The following FRMD4B variants were observed in gnomAD, a reference collection of about 807,000 sequenced individuals.
The protein encoded by FRMD4B is FERM domain containing 4B.
FRMD4B carries 74 observed loss-of-function variants against 141.5 expected under a neutral mutation model. That is an observed-to-expected ratio of 0.52 (90% CI 0.43 to 0.63). FRMD4B has a LOEUF of 0.63. Ranked by LOEUF, FRMD4B falls within the 30% of genes least tolerant of loss-of-function variation. The probability of loss-of-function intolerance (pLI) is 0.00; values close to 1 mark genes in which losing one functional copy is unlikely to be tolerated. For synonymous variants in FRMD4B, 506 were observed against 467.9 expected (o/e 1.08, Z -1.05); for missense variants, 1,366 against 1,253.4 (o/e 1.09, Z -1.36).
At chr3:69,323,221 G>C (rs1453851986) in intron 1 of FRMD4B, among the ~76,000 whole-genome samples, 1 of 152,058 alleles carries the variant, frequency 6.6e-6, no homozygotes, top group Non-Finnish European at 1.5e-5. Context: ...AAAGATAACA[G>C]CTGCTGACTG....
chr3:69,539,270 CAG>C (rs368551704), intron 1 of FRMD4B, among the ~76,000 whole-genome samples: 21 of 152,292 alleles, frequency 1.4e-4, no homozygotes, highest in African/African-American at 4.8e-4. Flanking sequence ...TCAAAGCATG[CAG>C]AGTCTTGATT....
chr3:69,522,663 C>A (rs990087992), intron 1 of FRMD4B, among the ~76,000 whole-genome samples: 2 of 152,144 alleles, frequency 1.3e-5, no homozygotes, highest in African/African-American at 4.8e-5. Context: ...CAAGCTAAAG[C>A]ACCACTGGAG....
intron 1 of FRMD4B, among the ~76,000 whole-genome samples, chr3:69,318,803 T>A (rs182036760): frequency 6.6e-6 from 1 of 152,362 alleles, no homozygotes. Flanking sequence ...ATTGACAGCT[T>A]CTTTTGACAA....
At chr3:69,177,944 G>A (rs1014249193) in intron 21 of FRMD4B, among the ~76,000 whole-genome samples, 3 of 152,184 alleles carry the variant, frequency 2.0e-5, no homozygotes, top group Admixed American at 6.5e-5. Context: ...GGGAAGAGGC[G>A]AGGTGGTAAG....
intron 1 of FRMD4B, among the ~76,000 whole-genome samples, chr3:69,472,910 T>C (rs1006088719): frequency 6.7e-6 from 1 of 149,284 alleles, no homozygotes; most frequent in South Asian, 2.1e-4. Context: ...TATCCAAGGC[T>C]TCAAGTGAGT....
rs534205936 is a variant in FRMD4B, at chr3:69,309,532, T to C, written c.323+1731A>G. Among the ~76,000 whole-genome samples, 55 of 151,036 alleles carry C rather than the reference T, an allele frequency of 3.6e-4. 1 individual carries two copies. The highest frequency in any genetic ancestry group is 6.9e-3 in the Middle Eastern group (2 of 288). On this transcript the variant is annotated intron_variant, in intron 3 of 22. Coordinates refer to ENST00000398540, the MANE Select transcript of FRMD4B (RefSeq NM_015123.3). ...ATCATAGCTCACGGCAGCCTCAACCTCCTGGGCTCAAGTTGTCCTCCCACC... is the reference window on the plus strand; with the variant it reads ...ATCATAGCTCACGGCAGCCTCAACCCCCTGGGCTCAAGTTGTCCTCCCACC...
intron 3 of FRMD4B, among the ~76,000 whole-genome samples, chr3:69,303,213 G>A (rs1701277114): frequency 1.4e-5 from 1 of 71,858 alleles, no homozygotes; most frequent in South Asian, 4.5e-4. Context: ...AGTTATTCGG[G>A]AAACTGACGC....
chr3:69,276,106 G>C (rs982832971), intron 5 of FRMD4B, among the ~76,000 whole-genome samples: 7 of 152,120 alleles, frequency 4.6e-5, no homozygotes, highest in African/African-American at 1.4e-4. Flanking sequence ...TGAATGATTT[G>C]TAATTTATAT....
intron 1 of FRMD4B, among the ~76,000 whole-genome samples, chr3:69,448,407 G>A (rs887519885): frequency 6.6e-6 from 1 of 152,302 alleles, no homozygotes; most frequent in African/African-American, 2.4e-5. Flanking sequence ...GAGATTCTAT[G>A]ATCAGGGAAT....
chr3:69,225,714 AAAAAAAAAAAAAAAGAG>A lies in FRMD4B; in HGVS notation c.582-1041_582-1025del, dbSNP rs1161524790. Among the ~76,000 whole-genome samples the A allele has an allele frequency of 8.4e-3, 654 of 78,108 alleles. 25 individuals are homozygous for A. Among genetic ancestry groups the A allele is most frequent in the African/African-American group, 0.024 (624 of 25,782 alleles). 51.2% of individuals were successfully genotyped at this position (78,108 alleles called of 152,430 possible). On this transcript the variant is annotated intron_variant, in intron 7 of 22. Coordinates refer to ENST00000398540, the MANE Select transcript of FRMD4B (RefSeq NM_015123.3). ...CGTCTCAAAAAAAAAAAAAAAAAAA[AAAAAAAAAAAAAAAGAG>A]GGAGAACACGTAATACTACCCAGTC...
At chr3:69,197,157 A>T in intron 12 of FRMD4B, 119 bp from the exon 13 acceptor site, 1 of 681,640 alleles carries the variant, frequency 1.5e-6, no homozygotes, top group South Asian at 2.6e-5. Context: ...TGTTGCAAAA[A>T]CTCTTACGCA....
chr3:69,303,035 T>C (rs528163676), intron 3 of FRMD4B, among the ~76,000 whole-genome samples: 9 of 152,102 alleles, frequency 5.9e-5, no homozygotes, highest in Admixed American at 1.3e-4. Flanking sequence ...GATTGCACCA[T>C]TGCACTCCAG....
At position 69,424,980 on chromosome 3, in the gene FRMD4B, C is replaced by T. The variant is rs7615997; in HGVS notation, c.-1+7654G>A. On this transcript the variant is annotated intron_variant, in intron 2 of 5. Coordinates refer to the FRMD4B transcript ENST00000459638. ...TAACAGCCTTTTATTTCTACCTACC[C>T]GCAACCCTCTGCTTTTATGTACTTT... Among the ~76,000 whole-genome samples the T allele has an allele frequency of 7.4e-3, 1,130 of 152,222 alleles. 8 individuals are homozygous for T. The highest frequency in any genetic ancestry group is 0.024 in the African/African-American group (1,010 of 41,520).
chr3:69,197,117 T>G, intron 12 of FRMD4B, 79 bp from the exon 13 acceptor site: 1 of 1,209,936 alleles, frequency 8.3e-7, no homozygotes. Flanking sequence ...AGCAGCATTG[T>G]AACAAAGCAT....
At chr3:69,307,807 A>G (rs1295115917) in intron 3 of FRMD4B, among the ~76,000 whole-genome samples, 1 of 152,126 alleles carries the variant, frequency 6.6e-6, no homozygotes, top group African/African-American at 2.4e-5. Context: ...GACCTCTGAC[A>G]CTGCAAGTCA....
At chr3:69,536,677 C>A in intron 1 of FRMD4B, 3 of 772,500 alleles carry the variant, frequency 3.9e-6, no homozygotes, top group Non-Finnish European at 6.9e-6. Context: ...TCACTGGTGA[C>A]ACTCCCAGGA....
chr3:69,386,607 C>G (rs992540819), upstream of FRMD4B, among the ~76,000 whole-genome samples: 1 of 152,142 alleles, frequency 6.6e-6, no homozygotes, highest in African/African-American at 2.4e-5. Flanking sequence ...CCCTTTGGAC[C>G]CTACTCCTGG....
intron 1 of FRMD4B, among the ~76,000 whole-genome samples, chr3:69,471,288 C>A (rs1705886932): frequency 6.6e-6 from 1 of 152,096 alleles, no homozygotes; most frequent in Non-Finnish European, 1.5e-5. Context: ...TCTTCAAATG[C>A]TAGTTTCTTC....
intron 7 of FRMD4B, among the ~76,000 whole-genome samples, chr3:69,235,596 T>G (rs1181024178): frequency 1.3e-5 from 2 of 151,476 alleles, no homozygotes; most frequent in Admixed American, 6.6e-5. Flanking sequence ...GAGGCGGAGG[T>G]TGCAGTGAGC....
Sources: allele counts gnomAD v4.1 joint callset (sites outside exome capture counted in the v4.1 genomes callset), GRCh38; gene constraint gnomAD v4.1.1; transcripts MANE v1.5; gene names NCBI Gene and HGNC (gene_info 2026-07-23, HGNC 2026-07-21).